Variants in MYO3A observed in about 807,000 individuals in gnomAD.
MYO3A encodes the protein myosin-IIIa.
Under a neutral mutation model 192.7 loss-of-function variants are expected in MYO3A, and 180 were observed. That is an observed-to-expected ratio of 0.93 (90% CI 0.83 to 1.06). The LOEUF (loss-of-function observed/expected upper bound fraction) is 1.06, where lower values mean the gene tolerates loss of function less well. Ranked by LOEUF, MYO3A falls within the 50% of genes least tolerant of loss-of-function variation. The pLI is 0.00. For synonymous variants in MYO3A, 628 were observed against 645.3 expected (o/e 0.97, Z 0.41); for missense variants, 1,896 against 1,905.0 (o/e 1.00, Z 0.09).
At chr10:26,141,243 T>A (rs879809169) in intron 20 of MYO3A, among the ~76,000 whole-genome samples, 1 of 152,200 alleles carries the variant, frequency 6.6e-6, no homozygotes, top group Non-Finnish European at 1.5e-5. Flanking sequence ...ATATTTTTAA[T>A]GTACAGGGCA....
At chr10:26,117,376 A>T (rs1838575470) in intron 17 of MYO3A, among the ~76,000 whole-genome samples, 1 of 152,178 alleles carries the variant, frequency 6.6e-6, no homozygotes, top group African/African-American at 2.4e-5. Flanking sequence ...TAATATAGGG[A>T]AACGTGTGTC....
chr10:25,966,851 A>G (rs1838297648), intron 4 of MYO3A, among the ~76,000 whole-genome samples: 2 of 152,232 alleles, frequency 1.3e-5, no homozygotes, highest in South Asian at 4.1e-4. Flanking sequence ...ATGCTGTTGT[A>G]CCATAAACAA....
intron 1 of MYO3A, among the ~76,000 whole-genome samples, chr10:25,934,762 A>G (rs1354102474): frequency 1.4e-5 from 2 of 141,858 alleles, no homozygotes; most frequent in African/African-American, 2.7e-5. Context: ...GCGAGGGGAT[A>G]GTGAGGGGGG....
chr10:26,093,128 A>G (rs1385616686), intron 15 of MYO3A, among the ~76,000 whole-genome samples: 4 of 152,230 alleles, frequency 2.6e-5, no homozygotes, highest in African/African-American at 9.6e-5. Context: ...TAACTGATAC[A>G]AATGTGATCA....
At chr10:26,111,245 A>C (rs1838158544) in intron 17 of MYO3A, among the ~76,000 whole-genome samples, 1 of 152,184 alleles carries the variant, frequency 6.6e-6, no homozygotes, top group South Asian at 2.1e-4. Context: ...CTCAGAAAGC[A>C]TGAGTTTCAG....
Position 26,070,030 on chromosome 10 carries a change from A to C in MYO3A, c.1171-81A>C, listed in dbSNP as rs905728870. On this transcript the variant is annotated intron_variant, in intron 12 of 34. Transcript: ENST00000642920. ...GTTTTTATTTATACTTTGCTTTAAAAATTGGAGCTATATTTGTAAATAATT... is the reference window on the plus strand; with the variant it reads ...GTTTTTATTTATACTTTGCTTTAAACATTGGAGCTATATTTGTAAATAATT... 13 of 1,008,260 alleles carry C rather than the reference A, an allele frequency of 1.3e-5. No homozygotes were observed. In the Admixed American group the frequency reaches 2.9e-4, roughly 22 times the overall value. 62.5% of individuals were successfully genotyped at this position (1,008,260 alleles called of 1,614,324 possible).
chr10:26,094,724 A>G (rs1197963069), intron 15 of MYO3A, among the ~76,000 whole-genome samples: 5 of 152,124 alleles, frequency 3.3e-5, no homozygotes, highest in Non-Finnish European at 5.9e-5. Context: ...GCACGCGGCA[A>G]GAATGAATAA....
chr10:26,087,507 C>T (rs994258911), intron 14 of MYO3A, among the ~76,000 whole-genome samples: 1 of 152,260 alleles, frequency 6.6e-6, no homozygotes, highest in East Asian at 1.9e-4. Context: ...CTAATACCTC[C>T]CTAAACCTCT....
intron 22 of MYO3A, 122 bp downstream of exon 22, chr10:26,145,656 C>T (rs1840418703): frequency 2.4e-6 from 2 of 828,556 alleles, no homozygotes; most frequent in Admixed American, 4.0e-5. Flanking sequence ...CTGTCTGTTT[C>T]CGCCCCCACT....
chr10:26,197,720 T>G (rs1343925608), intron 32 of MYO3A, among the ~76,000 whole-genome samples: 2 of 152,192 alleles, frequency 1.3e-5, no homozygotes, highest in Admixed American at 1.3e-4. Context: ...CCTGCTGCCA[T>G]GCCCAGATAA....
At chr10:26,048,754 A>T (rs1843783985) in intron 10 of MYO3A, among the ~76,000 whole-genome samples, 1 of 152,240 alleles carries the variant, frequency 6.6e-6, no homozygotes, top group Admixed American at 6.5e-5. Context: ...AAGTAGAGTT[A>T]TCAAGAAGGC....
At chr10:25,976,336 A>G (rs1339819) in intron 4 of MYO3A, among the ~76,000 whole-genome samples, 17,625 of 152,236 alleles carry the variant, frequency 0.12, 1,379 homozygotes, top group East Asian at 0.35. Context: ...AATGAATATT[A>G]GAAAATCACA....
intron 14 of MYO3A, among the ~76,000 whole-genome samples, chr10:26,079,031 G>A (rs770265582): frequency 6.6e-6 from 1 of 152,098 alleles, no homozygotes; most frequent in Non-Finnish European, 1.5e-5. Context: ...AAGTCCATTT[G>A]TTCCAAGGTA....
chr10:26,042,142 A>G (rs1843385924), intron 10 of MYO3A, among the ~76,000 whole-genome samples: 1 of 151,968 alleles, frequency 6.6e-6, no homozygotes, highest in East Asian at 1.9e-4. Context: ...ATGTCATGCC[A>G]CTCTCTACTG....
In MYO3A at chr10:26,026,411, G is replaced by A. The variant is rs903557437; in HGVS notation, c.832G>A (p.Val278Met). The A allele has an allele frequency of 6.2e-7, 1 of 1,614,132 alleles. No homozygotes were observed. Among genetic ancestry groups the A allele is most frequent in the Non-Finnish European group, 8.5e-7 (1 of 1,179,994 alleles). ...LTKDYEKRPT[V>M]SELLQHKFIT... Reference sequence around the variant, plus strand: ...TAAAGATTATGAAAAGCGTCCAACAGTGTCAGAACTTTTACAGCATAAATT... The same window carrying A: ...TAAAGATTATGAAAAGCGTCCAACAATGTCAGAACTTTTACAGCATAAATT... Residue 278 changes from valine (V) to methionine (M), a missense_variant, in exon 10 of 35, where the codon GTG becomes ATG. Physicochemically the swap from Val to Met is conservative, Grantham distance 21. Transcript: ENST00000642920.
At chr10:26,143,717 A>G (rs1343132398) in intron 21 of MYO3A, 116 bp downstream of exon 21, 1 of 1,285,388 alleles carries the variant, frequency 7.8e-7, no homozygotes, top group East Asian at 2.4e-5. Context: ...CAAAGCCTGC[A>G]TATTTGACTT....
At chr10:25,941,555 A>G (rs1317155782) in intron 2 of MYO3A, among the ~76,000 whole-genome samples, 1 of 152,048 alleles carries the variant, frequency 6.6e-6, no homozygotes, top group African/African-American at 2.4e-5. Flanking sequence ...ACATTTTTCT[A>G]TTATTTTGAC....
At chr10:26,015,791 T>C (rs1442769882) in intron 6 of MYO3A, among the ~76,000 whole-genome samples, 1 of 152,230 alleles carries the variant, frequency 6.6e-6, no homozygotes, top group Admixed American at 6.5e-5. Context: ...TTTCCAATAC[T>C]GAAACACCCA....
intron 4 of MYO3A, among the ~76,000 whole-genome samples, chr10:25,994,871 G>A (rs1352551523): frequency 1.3e-5 from 2 of 152,274 alleles, no homozygotes; most frequent in African/African-American, 4.8e-5. Context: ...GTTTCTGCCA[G>A]GAGATCCACT....
Sources: allele counts gnomAD v4.1 joint callset (sites outside exome capture counted in the v4.1 genomes callset), GRCh38; gene constraint gnomAD v4.1.1; transcripts MANE v1.5; gene names NCBI Gene and HGNC (gene_info 2026-07-23, HGNC 2026-07-21).